CTNNA3: variants seen among roughly 807,000 people sequenced by gnomAD.
The protein encoded by CTNNA3 is catenin alpha-3.
In CTNNA3, 76 loss-of-function variants were observed where a neutral mutation model predicts 95.7. The observed-to-expected ratio is 0.79, with a 90% CI of 0.66 to 0.96. The LOEUF is 0.96. CTNNA3 is among the 40% of genes least tolerant of loss of function. The probability of loss-of-function intolerance (pLI) is 0.00; values close to 1 mark genes in which losing one functional copy is unlikely to be tolerated. For missense variants in CTNNA3, 1,191 were observed against 1,089.8 expected, an observed-to-expected ratio of 1.09 and a Z score of -1.31; for synonymous variants, 431 against 374.4, an observed-to-expected ratio of 1.15 and a Z score of -1.74.
At chr10:66,443,000 G>GGA (rs1202714604) in intron 11 of CTNNA3, among the ~76,000 whole-genome samples, 1 of 152,170 alleles carries the variant, frequency 6.6e-6, no homozygotes, top group Non-Finnish European at 1.5e-5. Flanking sequence ...CAGCACACCA[G>GGA]GAGATTATAT....
intron 7 of CTNNA3, among the ~76,000 whole-genome samples, chr10:67,044,808 C>A (rs1241442629): frequency 1.3e-5 from 2 of 152,102 alleles, no homozygotes; most frequent in Non-Finnish European, 2.9e-5. Flanking sequence ...GTCTTTGGAG[C>A]CAAGAAAAAA....
At chr10:67,260,670 GTTTTGTTT>G (rs1156888400) in intron 5 of CTNNA3, among the ~76,000 whole-genome samples, 3 of 144,086 alleles carry the variant, frequency 2.1e-5, no homozygotes, top group African/African-American at 8.5e-5. Context: ...TCACTGTTTT[GTTTTGTTT>G]TTTTGTTTTT....
At chr10:67,603,835 T>C (rs1371009884) in intron 3 of CTNNA3, among the ~76,000 whole-genome samples, 1 of 152,186 alleles carries the variant, frequency 6.6e-6, no homozygotes, top group African/African-American at 2.4e-5. Context: ...GTAGCCTAAG[T>C]GTACAGTATT....
At chr10:67,705,126 C>T (rs1229564408) in intron 1 of CTNNA3, among the ~76,000 whole-genome samples, 1 of 151,970 alleles carries the variant, frequency 6.6e-6, no homozygotes, top group Non-Finnish European at 1.5e-5. Flanking sequence ...AGTCAGGAAA[C>T]AACAGGTGCT....
In CTNNA3 at chr10:66,403,100, A is replaced by G. The variant is rs115866699; in HGVS notation, c.1532-23748T>C. Among the ~76,000 whole-genome samples, 903 of 152,142 alleles carry G rather than the reference A, an allele frequency of 5.9e-3. 6 individuals are homozygous for G. The highest frequency in any genetic ancestry group is 0.02 in the African/African-American group (814 of 41,496). ...AGAAATCCCACCCTTTTAGGCCTAA[A>G]CCAATGTGTAACCTCCATGTATTAT... On this transcript the variant is annotated intron_variant, in intron 11 of 17. Coordinates refer to ENST00000433211, the MANE Select transcript of CTNNA3 (RefSeq NM_013266.4).
At chr10:67,649,698 G>A (rs1052907547) in intron 1 of CTNNA3, among the ~76,000 whole-genome samples, 1 of 152,110 alleles carries the variant, frequency 6.6e-6, no homozygotes, top group Non-Finnish European at 1.5e-5. Flanking sequence ...GCTATCATAG[G>A]CAGAAAACTG....
rs191676193 is a variant in CTNNA3 at position 67,752,429 on chromosome 10, C to T, written c.-2+11005G>A. Among the ~76,000 whole-genome samples the T allele has an allele frequency of 2.6e-5, 4 of 152,230 alleles. No homozygotes were observed. In the East Asian group the frequency reaches 7.7e-4, roughly 29 times the overall value. ...AACCTGGCACAAAACAAGGATGGCCCTCTCTCTTTCTCACCACTCCTATTC... is the reference window on the plus strand; with the variant it reads ...AACCTGGCACAAAACAAGGATGGCCTTCTCTCTTTCTCACCACTCCTATTC... On this transcript the variant is annotated intron_variant, in intron 1 of 17. Coordinates refer to the CTNNA3 transcript ENST00000684154.
chr10:67,131,883 TG>T (rs1860026827), intron 7 of CTNNA3, among the ~76,000 whole-genome samples: 1 of 152,002 alleles, frequency 6.6e-6, no homozygotes, highest in South Asian at 2.1e-4. Context: ...CCTAATACTA[TG>T]AGAAAGAGTT....
intron 5 of CTNNA3, among the ~76,000 whole-genome samples, chr10:67,379,818 G>A (rs1440327341): frequency 3.3e-5 from 5 of 151,874 alleles, no homozygotes; most frequent in Admixed American, 6.6e-5. Context: ...TCAGGAGATC[G>A]AGAGCATCCC....
In CTNNA3 at chr10:67,521,936, T is replaced by C. The variant is rs750482501; in HGVS notation, c.485A>G (p.Lys162Arg). Residue 162 changes from lysine to arginine, a missense_variant, in exon 5 of 18, where the codon AAA (lysine) becomes AGA (arginine). Physicochemically the swap from Lys to Arg is conservative, Grantham distance 26 (BLOSUM62 2). Transcript: ENST00000433211. ...SAFQRTFESL[K>R]NVANKSDLQK... is the part of the protein sequence containing the mutation. ...GAGGTCAGATTTGTTGGCAACATTT[T>C]TGAGAGACTCAAATGTCCTTTGAAA... 2.5e-6 allele frequency: 4 copies of C among 1,613,246 alleles called. No individual in the cohort carries two copies. Among genetic ancestry groups the C allele is most frequent in the East Asian group, 2.2e-5 (1 of 44,894 alleles).
intron 10 of CTNNA3, among the ~76,000 whole-genome samples, chr10:66,580,136 C>CCATA (rs1843136910): frequency 6.6e-6 from 1 of 151,520 alleles, no homozygotes; most frequent in African/African-American, 2.4e-5. Context: ...GCTATTGAGC[C>CCATA]CATATGTTGA....
At chr10:66,877,907 A>G (rs951508114) in intron 7 of CTNNA3, among the ~76,000 whole-genome samples, 3 of 152,144 alleles carry the variant, frequency 2.0e-5, no homozygotes, top group African/African-American at 7.2e-5. Context: ...CAAAACTTAG[A>G]AATATTAAGT....
intron 7 of CTNNA3, among the ~76,000 whole-genome samples, chr10:66,975,319 A>C (rs1394062469): frequency 6.6e-6 from 1 of 152,244 alleles, no homozygotes; most frequent in Non-Finnish European, 1.5e-5. Flanking sequence ...CACAACATGC[A>C]TGCTGCTGTC....
intron 13 of CTNNA3, among the ~76,000 whole-genome samples, chr10:66,278,403 C>G (rs940884739): frequency 6.6e-6 from 1 of 151,562 alleles, no homozygotes; most frequent in Non-Finnish European, 1.5e-5. Context: ...TAGTGAAGAA[C>G]ACAAAATACT....
chr10:66,443,493 G>A (rs1358201071), intron 11 of CTNNA3, among the ~76,000 whole-genome samples: 3 of 152,094 alleles, frequency 2.0e-5, no homozygotes, highest in African/African-American at 7.2e-5. Context: ...AGCATTTGCG[G>A]GTCACCAAAA....
rs185028972 is a variant in CTNNA3, at chr10:66,046,406, C to G, written c.2159+22902G>C. Among the ~76,000 whole-genome samples the G allele has an allele frequency of 1.6e-3, 248 of 152,250 alleles. 3 individuals are homozygous for G. Among genetic ancestry groups the G allele is most frequent in the African/African-American group, 5.8e-3 (240 of 41,552 alleles). On this transcript the variant is annotated intron_variant, in intron 15 of 17. Coordinates refer to ENST00000433211, the MANE Select transcript of CTNNA3 (RefSeq NM_013266.4). ...CCAGCAAAAGTAGCTGCAGGTCCAG[C>G]AAAGTGGGAGGTTAGACCCCCATAC...
At chr10:66,115,620 T>G (rs974242866) in intron 13 of CTNNA3, among the ~76,000 whole-genome samples, 5 of 150,914 alleles carry the variant, frequency 3.3e-5, no homozygotes, top group Admixed American at 6.6e-5. Context: ...GAGATAGAGA[T>G]AGAGATAGAG....
At chr10:66,843,946 A>G (rs1051369115) in intron 7 of CTNNA3, among the ~76,000 whole-genome samples, 12 of 152,252 alleles carry the variant, frequency 7.9e-5, no homozygotes, top group Non-Finnish European at 1.6e-4. Context: ...TTTGTTTGAC[A>G]AATAATTGAT....
At chr10:66,397,536 T>C (rs1226946792) in intron 11 of CTNNA3, among the ~76,000 whole-genome samples, 1 of 151,888 alleles carries the variant, frequency 6.6e-6, no homozygotes, top group Non-Finnish European at 1.5e-5. Flanking sequence ...ATCTCTTTCA[T>C]TGAATAATGA....
Sources: gnomAD v4.1 joint callset for allele counts (sites outside exome capture counted in the v4.1 genomes callset) on GRCh38, gnomAD v4.1.1 for gene constraint, MANE v1.5 for transcripts, NCBI Gene and HGNC (gene_info 2026-07-23, HGNC 2026-07-21) for gene names.